The following HOOK2 variants were observed in gnomAD, a reference collection of about 807,000 sequenced individuals.
HOOK2 encodes protein Hook homolog 2.
A neutral mutation model predicts 111.9 loss-of-function variants in HOOK2; 108 were observed. The observed-to-expected ratio is 0.96, with a 90% CI of 0.83 to 1.13. The LOEUF (loss-of-function observed/expected upper bound fraction) is 1.13. Among genes scored for constraint, HOOK2 ranks in the 50% most tolerant of loss-of-function variants. The pLI is 0.00. For synonymous variants in HOOK2, 405 were observed against 394.3 expected (o/e 1.03, Z -0.32); for missense variants, 978 against 951.3 (o/e 1.03, Z -0.37).
At position 12,791,895 on chromosome 19, in the gene HOOK2, A is replaced by G. The variant is rs767015453; in HGVS notation, n.42-17670T>C. The G allele has an allele frequency of 1.2e-6, 2 of 1,613,348 alleles. No homozygotes were observed. Among genetic ancestry groups the G allele is most frequent in the Non-Finnish European group, 1.7e-6 (2 of 1,179,898 alleles). On this transcript the variant is annotated intron_variant and non_coding_transcript_variant, in intron 3 of 3. Transcript: ENST00000589765. The surrounding 1 kb of genome is among the most constrained non-coding windows in gnomAD (Gnocchi z 7.0). ...ACTCCTGAAACCGAGCCTGGCGGTCAACCTGGCCGACCCCTACCGGAGTCT... is the reference window on the plus strand; with the variant it reads ...ACTCCTGAAACCGAGCCTGGCGGTCGACCTGGCCGACCCCTACCGGAGTCT...
intron 3 of HOOK2, among the ~76,000 whole-genome samples, chr19:12,787,372 T>G (rs1337034908): frequency 6.6e-6 from 1 of 152,146 alleles, no homozygotes; most frequent in Non-Finnish European, 1.5e-5. Flanking sequence ...AGATCATGCC[T>G]GTAATCCCAG....
upstream of HOOK2, among the ~76,000 whole-genome samples, chr19:12,780,654 CTTTTTTTTTTT>C (rs1203010571): frequency 1.2e-4 from 4 of 32,086 alleles, no homozygotes; most frequent in Non-Finnish European, 5.8e-5. Context: ...CGCGCCCGGC[CTTTTTTTTTTT>C]TTTTTTTTTT....
chr19:12,779,743 C>A (rs368552619), upstream of HOOK2, among the ~76,000 whole-genome samples: 51 of 151,876 alleles, frequency 3.4e-4, 1 homozygote, highest in South Asian at 1.0e-2. Context: ...TGTCATAAGG[C>A]CTTCGAGTTT....
Position 12,763,197 on chromosome 19 carries a change from C to A in HOOK2, c.*85G>T. 2 of 1,489,538 alleles carry A rather than the reference C, an allele frequency of 1.3e-6. No homozygotes were observed. Among genetic ancestry groups the A allele is most frequent in the Non-Finnish European group, 9.1e-7 (1 of 1,095,042 alleles). The allele number at this position is 1,489,538 out of a possible 1,614,324, so 92.3% of individuals were successfully genotyped here. Reference sequence around the variant, plus strand: ...TCATGGCCTCAAAGCTCTCGAGCACCTGGCTGAAGCCCAGTGCTGGGCGCC... The same window carrying A: ...TCATGGCCTCAAAGCTCTCGAGCACATGGCTGAAGCCCAGTGCTGGGCGCC... On this transcript the variant is annotated 3_prime_UTR_variant, in exon 23 of 23. Coordinates refer to ENST00000397668, the MANE Select transcript of HOOK2 (RefSeq NM_013312.3).
upstream of HOOK2, among the ~76,000 whole-genome samples, chr19:12,777,153 T>G (rs1166166538): frequency 7.5e-6 from 1 of 132,486 alleles, no homozygotes; most frequent in Admixed American, 7.9e-5. Context: ...TGAGACTGTC[T>G]CAAAAAAAAT....
At chr19:12,792,247 T>C in intron 3 of HOOK2, 1 of 1,509,250 alleles carries the variant, frequency 6.6e-7, no homozygotes, top group Non-Finnish European at 8.9e-7. Context: ...AACGTGTCCC[T>C]GGGCGCTACC....
At chr19:12,785,831 T>C (rs1455001178) in intron 3 of HOOK2, among the ~76,000 whole-genome samples, 2 of 152,162 alleles carry the variant, frequency 1.3e-5, no homozygotes, top group African/African-American at 4.8e-5. Flanking sequence ...TGGCACTTCC[T>C]CTCTCCAAAC....
Position 12,763,040 on chromosome 19 carries a change from C to G in HOOK2, c.*242G>C. ...CCTTTATTTTTCTCAAATATAAAAT[C>G]AGAGTCTCCTGAGGCAGCACATGAA... On this transcript the variant is annotated 3_prime_UTR_variant, in exon 23 of 23. Coordinates refer to ENST00000397668, the MANE Select transcript of HOOK2 (RefSeq NM_013312.3). 1 of 505,598 alleles carries G rather than the reference C, an allele frequency of 2.0e-6. No homozygotes were observed. 31.3% of individuals were successfully genotyped at this position (505,598 alleles called of 1,614,324 possible).
Position 12,764,887 on chromosome 19 carries a change from T to A in HOOK2, c.1754A>T (p.Asn585Ile). Residue 585 changes from asparagine (N) to isoleucine (I), a missense_variant, in exon 20 of 23, where the codon AAC becomes ATC. Asn to Ile is a moderately radical substitution (Grantham distance 149). This residue lies in a region of HOOK2 where 277 missense variants were observed against 265.8 expected (regional missense o/e 1.04). Coordinates refer to ENST00000397668, the MANE Select transcript of HOOK2 (RefSeq NM_013312.3). ...TARRIEELQH[N>I]LQKKDADLRA... ...CAAGTCCGCGTCCTTCTTCTGCAAG[T>A]TATGCTGCAGCTCCTCGATCCGCCG... 6.2e-7 allele frequency: 1 copy of A among 1,614,180 alleles called. No individual in the cohort carries two copies. The highest frequency in any genetic ancestry group is 1.1e-5 in the South Asian group (1 of 91,084).
At chr19:12,768,222 T>C (rs1568364709) in intron 11 of HOOK2, 99 bp from the exon 12 acceptor site, 1 of 941,660 alleles carries the variant, frequency 1.1e-6, no homozygotes, top group East Asian at 2.5e-5. Flanking sequence ...TGACTTATTA[T>C]TTTTTTGACT....
At position 12,763,158 on chromosome 19, in the gene HOOK2, G is replaced by T; in HGVS notation, c.*124C>A. The T allele has an allele frequency of 2.3e-6, 2 of 872,188 alleles. No individual in the cohort carries two copies. The highest frequency in any genetic ancestry group is 1.8e-6 in the Non-Finnish European group (1 of 566,944). 54.0% of individuals were successfully genotyped at this position (872,188 alleles called of 1,614,324 possible). A position where few individuals can be genotyped will look rare whatever the true frequency, so the allele number is the denominator to read the frequency against. On this transcript the variant is annotated 3_prime_UTR_variant, in exon 23 of 23. Coordinates refer to ENST00000397668, the MANE Select transcript of HOOK2 (RefSeq NM_013312.3). The stretch of plus-strand genomic sequence containing the variant: ...CCTCCCTCCCCACCAATCTGGGAGA[G>T]GGAAGAGCAGAGATCATGGCCTCAA...
chr19:12,766,276 G>A, intron 14 of HOOK2, 36 bp from the exon 15 acceptor site: 1 of 1,503,714 alleles, frequency 6.7e-7, no homozygotes, highest in South Asian at 1.3e-5. Context: ...GGCCAGGGTC[G>A]AGTCACCTCG....
At position 12,765,844 on chromosome 19, in the gene HOOK2, G is replaced by C; in HGVS notation, c.1600-10C>G. ...TGGTACTTACAATGGCCTGTATGGGGCATCGGGCAGCATGGGAGAGAGAGG... is the reference window on the plus strand; with the variant it reads ...TGGTACTTACAATGGCCTGTATGGGCCATCGGGCAGCATGGGAGAGAGAGG... On this transcript the variant is annotated splice_polypyrimidine_tract_variant and intron_variant, in intron 16 of 22. Transcript: ENST00000397668. The C allele has an allele frequency of 6.2e-7, 1 of 1,610,796 alleles. No individual in the cohort carries two copies. Among genetic ancestry groups the C allele is most frequent in the Non-Finnish European group, 8.5e-7 (1 of 1,177,258 alleles).
chr19:12,782,620 T>G (rs1968615399), upstream of HOOK2, among the ~76,000 whole-genome samples: 2 of 150,840 alleles, frequency 1.3e-5, no homozygotes, highest in South Asian at 2.1e-4. Flanking sequence ...GCGCGGGGGG[T>G]GGAAGGGCGG....
In HOOK2 at chr19:12,763,282, T is replaced by C; in HGVS notation, c.2160A>G (p.Ter720TrpextTer34). 6.2e-7 allele frequency: 1 copy of C among 1,612,712 alleles called. No individual in the cohort carries two copies. The highest frequency in any genetic ancestry group is 1.1e-5 in the South Asian group (1 of 90,988). ...CAGGCTGGCTTGATTGTGAGGTCTGTCAGTGCTTGTCAGTGGGGCGAAGGT... is the reference window on the plus strand; with the variant it reads ...CAGGCTGGCTTGATTGTGAGGTCTGCCAGTGCTTGTCAGTGGGGCGAAGGT... ...SLNLRPTDKH[*>W] Residue 720 changes from the stop codon to tryptophan (W), a stop_lost, in exon 23 of 23, where the codon TGA becomes TGG. Transcript: ENST00000397668.
chr19:12,785,977 A>G (rs143306381), intron 3 of HOOK2, among the ~76,000 whole-genome samples: 2,926 of 152,212 alleles, frequency 0.019, 51 homozygotes, highest in Non-Finnish European at 0.032. Flanking sequence ...AGGTCCCCCA[A>G]GGCTTCACCA....
chr19:12,763,127 T>TA lies in HOOK2; in HGVS notation c.*154_*155insT. 4 of 618,232 alleles carry TA rather than the reference T, an allele frequency of 6.5e-6. No homozygotes were observed. Among genetic ancestry groups the TA allele is most frequent in the Non-Finnish European group, 1.1e-5 (4 of 355,748 alleles). 38.3% of individuals were successfully genotyped at this position (618,232 alleles called of 1,614,324 possible). A position where few individuals can be genotyped will look rare whatever the true frequency, so the allele number is the denominator to read the frequency against. ...TAAAAAGAACAGGCCTATATCTACCTCCCGCCCTCCCTCCCCACCAATCTG... is the reference window on the plus strand; with the variant it reads ...TAAAAAGAACAGGCCTATATCTACCTACCCGCCCTCCCTCCCCACCAATCTG... On this transcript the variant is annotated 3_prime_UTR_variant, in exon 23 of 23. Transcript: ENST00000397668.
At chr19:12,783,159 G>T (rs531942881), upstream of HOOK2, among the ~76,000 whole-genome samples, 45 of 152,188 alleles carry the variant, frequency 3.0e-4, no homozygotes, top group South Asian at 2.9e-3. Flanking sequence ...TGTGACTCAG[G>T]CCCCTGGGGA....
intron 3 of HOOK2, chr19:12,773,403 C>A: frequency 3.9e-6 from 1 of 253,394 alleles, no homozygotes; most frequent in Non-Finnish European, 7.7e-6. Context: ...CATATGCCAC[C>A]ACAATCGACT....
Sources: gnomAD v4.1 joint callset for allele counts (sites outside exome capture counted in the v4.1 genomes callset) on GRCh38, gnomAD v4.1.1 for gene constraint, gnomAD v4.1.1 regional missense constraint, Gnocchi (gnomAD v3.1) non-coding constraint, MANE v1.5 for transcripts, NCBI Gene and HGNC (gene_info 2026-07-23, HGNC 2026-07-21) for gene names.